TNK2: variants seen among roughly 807,000 people sequenced by gnomAD.
TNK2 encodes the protein tyrosine kinase non receptor 2, also known as activated CDC42 kinase 1.
A neutral mutation model predicts 101.8 loss-of-function variants in TNK2; 83 were observed. The ratio of observed to expected loss-of-function variants is 0.82; its 90% CI spans 0.68 to 0.98. The LOEUF is 0.98. Ranked by LOEUF, TNK2 falls within the 50% of genes least tolerant of loss-of-function variation. The pLI is 0.00. For synonymous variants in TNK2, 804 were observed against 633.0 expected (o/e 1.27, Z -4.06); for missense variants, 1,665 against 1,483.2 (o/e 1.12, Z -2.01).
At chr3:195,895,142 C>G (rs912059268) in intron 1 of TNK2, 3 of 1,143,844 alleles carry the variant, frequency 2.6e-6, no homozygotes, top group Non-Finnish European at 3.5e-6. Context: ...AGCAGACACT[C>G]TCACTCCTGA....
intron 1 of TNK2, chr3:195,892,521 T>C: frequency 6.5e-7 from 1 of 1,532,928 alleles, no homozygotes; most frequent in Non-Finnish European, 8.7e-7. Flanking sequence ...GAGCAGTCAC[T>C]GGGGATCCAG....
chr3:195,888,612 G>T lies in TNK2; in HGVS notation c.-18-6C>A. 1.9e-6 allele frequency: 3 copies of T among 1,604,658 alleles called. No individual in the cohort carries two copies. The highest frequency in any genetic ancestry group is 2.6e-6 in the Non-Finnish European group (3 of 1,175,874). ...ATTCTGCCGCCTCCCAGCCTCTGTGGGGGGAGGAGTGGCTCAGGGACAAGG... is the reference window on the plus strand; with the variant it reads ...ATTCTGCCGCCTCCCAGCCTCTGTGTGGGGAGGAGTGGCTCAGGGACAAGG... On this transcript the variant is annotated splice_region_variant and splice_polypyrimidine_tract_variant and intron_variant, in intron 1 of 15. Coordinates refer to ENST00000672887, the MANE Select transcript of TNK2 (RefSeq NM_001382273.1). This position sits in a 1 kb window ranked among gnomAD's most constrained non-coding sequence, Gnocchi z 5.3.
intron 9 of TNK2, among the ~76,000 whole-genome samples, chr3:195,873,765 G>A (rs992415419): frequency 7.9e-5 from 12 of 152,108 alleles, no homozygotes; most frequent in African/African-American, 2.7e-4. Context: ...GGGTGACTCC[G>A]GAACAGCCCA....
chr3:195,875,879 G>C (rs979188072), intron 9 of TNK2, among the ~76,000 whole-genome samples: 1 of 152,200 alleles, frequency 6.6e-6, no homozygotes, highest in Admixed American at 6.5e-5. Flanking sequence ...GCTGAGAACT[G>C]CCTAAGGCTG....
intron 1 of TNK2, chr3:195,908,259 G>C (rs1761953354): frequency 6.5e-6 from 1 of 153,304 alleles, no homozygotes; most frequent in Admixed American, 6.5e-5. Flanking sequence ...CAGACGTCCC[G>C]CCTGCTGCCT....
In TNK2 at chr3:195,878,265, A is replaced by C. The variant is rs778382280; in HGVS notation, c.1244T>G (p.Val415Gly). The C allele has an allele frequency of 6.2e-7, 1 of 1,613,720 alleles. No homozygotes were observed. Among genetic ancestry groups the C allele is most frequent in the Non-Finnish European group, 8.5e-7 (1 of 1,179,896 alleles). The change falls in exon 9 of 16, where the codon GTC (valine) becomes GGC (glycine). Residue 415 changes from valine to glycine, a missense_variant. Val to Gly is a moderately radical substitution (Grantham distance 109). Transcript: ENST00000672887. The surrounding 1 kb of genome is among the most constrained non-coding windows in gnomAD (Gnocchi z 4.7). ...LHIQMNDVIT[V>G]IEGRAENYWW... ...CTGCACTCCCTACCTTCCCTCGATG[A>C]CGGTGATGACATCATTCATCTGGAT...
In TNK2 at chr3:195,885,002, A is replaced by C; in HGVS notation, c.266T>G (p.Phe89Cys). Residue 89 changes from phenylalanine to cysteine, a missense_variant, in exon 4 of 16, where the codon TTC becomes TGC. By Grantham distance (205) the Phe-to-Cys change is radical. Around this residue, in one of 3 missense-constraint regions of TNK2, gnomAD observed 490 missense variants for 522.5 expected, o/e 0.94. Transcript: ENST00000672887. This position sits in a 1 kb window ranked among gnomAD's most constrained non-coding sequence, Gnocchi z 4.7. Reference protein sequence around the residue: ...VFSGKRLEAEFPPHHSQSTFR... With the variant: ...VFSGKRLEAECPPHHSQSTFR... ...GGTGCTCTGAGAGTGATGAGGTGGGAACTCAGCCTCCAGTCGCTTTCCACT... is the reference window on the plus strand; with the variant it reads ...GGTGCTCTGAGAGTGATGAGGTGGGCACTCAGCCTCCAGTCGCTTTCCACT... 1.2e-6 allele frequency: 2 copies of C among 1,607,658 alleles called. No homozygotes were observed. Among genetic ancestry groups the C allele is most frequent in the Non-Finnish European group, 1.7e-6 (2 of 1,176,134 alleles).
chr3:195,880,722 C>CTAA (rs1168212320), intron 6 of TNK2, among the ~76,000 whole-genome samples: 1 of 83,750 alleles, frequency 1.2e-5, no homozygotes, highest in African/African-American at 5.8e-5. Context: ...TGTAACACCC[C>CTAA]CCCAGCAATG....
At chr3:195,866,730 G>A (rs1248143434) in intron 15 of TNK2, among the ~76,000 whole-genome samples, 159 bp downstream of exon 15, 5 of 152,212 alleles carry the variant, frequency 3.3e-5, no homozygotes, top group African/African-American at 9.7e-5. Flanking sequence ...TAGGAAAAAC[G>A]ATTTGCTGGG....
chr3:195,873,699 G>A (rs953770457), intron 9 of TNK2, among the ~76,000 whole-genome samples: 1 of 152,182 alleles, frequency 6.6e-6, no homozygotes. Context: ...AGGAGGTGGC[G>A]ACGCCTGGGC....
intron 1 of TNK2, among the ~76,000 whole-genome samples, chr3:195,892,218 G>A (rs926515553): frequency 6.6e-6 from 1 of 152,188 alleles, no homozygotes; most frequent in African/African-American, 2.4e-5. Context: ...TCTGTGGCCG[G>A]CGTGCAAACA....
intron 1 of TNK2, among the ~76,000 whole-genome samples, chr3:195,891,623 C>T (rs559363295): frequency 4.9e-4 from 75 of 152,184 alleles, no homozygotes; most frequent in Non-Finnish European, 7.8e-4. Context: ...CACCCGGCCA[C>T]GGCCACCGCT....
At chr3:195,872,944 T>G (rs1270894965) in intron 9 of TNK2, 1 of 165,380 alleles carries the variant, frequency 6.0e-6, no homozygotes, top group African/African-American at 2.4e-5. Context: ...TTCTGAGAGG[T>G]GCGGGGGTGC....
rs1459366152 is a variant in TNK2 at position 195,864,822 on chromosome 3, G to C, written c.3162-635C>G. ...CAGACAGGTGACACGGAGTGCCTGC[G>C]TCCCAGGTGCAAATCAGTAAGAAAC... On this transcript the variant is annotated intron_variant, in intron 15 of 15. Transcript: ENST00000672887. 2.5e-5 allele frequency among the ~76,000 whole-genome samples: 3 copies of C among 119,740 alleles called. No individual in the cohort carries two copies. The Admixed American group carries it at 2.6e-4, about 10-fold the overall frequency. The allele number at this position is 119,740 out of a possible 152,430, so 78.6% of individuals were successfully genotyped here.
chr3:195,869,451 A>AGGGGGC (rs761712115), intron 12 of TNK2, 46 bp downstream of exon 12: 272 of 1,466,014 alleles, frequency 1.9e-4, no homozygotes, highest in African/African-American at 6.0e-4. Context: ...AGTGAGAGAG[A>AGGGGGC]GGGGGCGGGG....
At chr3:195,904,905 T>C (rs1481410019) in intron 1 of TNK2, among the ~76,000 whole-genome samples, 1 of 152,218 alleles carries the variant, frequency 6.6e-6, no homozygotes, top group Non-Finnish European at 1.5e-5. Context: ...GGCTCAATAC[T>C]GCTAACCGAT....
At chr3:195,873,658 G>T (rs1198847392) in intron 9 of TNK2, among the ~76,000 whole-genome samples, 2 of 152,166 alleles carry the variant, frequency 1.3e-5, no homozygotes, top group East Asian at 3.9e-4. Context: ...GGGCTCCTCT[G>T]AAACCCAGCC....
At chr3:195,876,114 AAC>A (rs1344399763) in intron 9 of TNK2, among the ~76,000 whole-genome samples, 1 of 152,158 alleles carries the variant, frequency 6.6e-6, no homozygotes, top group African/African-American at 2.4e-5. Flanking sequence ...AATGGATTCC[AAC>A]ACCCGCTCTG....
chr3:195,886,669 A>G lies in TNK2; in HGVS notation c.234+308T>C, dbSNP rs1198259490. ...TGGACACTGGCCCCAACGCTCAGAC[A>G]CAGCAGGGCTAAGTTAAGGCACACT... On this transcript the variant is annotated intron_variant, in intron 3 of 15. Transcript: ENST00000672887. This position sits in a 1 kb window ranked among gnomAD's most constrained non-coding sequence, Gnocchi z 4.2. Among the ~76,000 whole-genome samples the G allele has an allele frequency of 6.6e-6, 1 of 152,150 alleles. No individual in the cohort carries two copies. The highest frequency in any genetic ancestry group is 1.9e-4 in the East Asian group (1 of 5,194).
Sources: gnomAD v4.1 joint callset for allele counts (sites outside exome capture counted in the v4.1 genomes callset) on GRCh38, gnomAD v4.1.1 for gene constraint, gnomAD v4.1.1 regional missense constraint, Gnocchi (gnomAD v3.1) non-coding constraint, MANE v1.5 for transcripts, NCBI Gene and HGNC (gene_info 2026-07-23, HGNC 2026-07-21) for gene names.